Variants in EYS observed in about 807,000 individuals in gnomAD.
EYS encodes the protein EGF-like photoreceptor maintenance factor.
EYS carries 250 observed loss-of-function variants against 282.1 expected under a neutral mutation model. The observed-to-expected ratio is 0.89, with a 90% confidence interval of 0.80 to 0.98. The LOEUF (loss-of-function observed/expected upper bound fraction) is 0.98, where lower values mean the gene tolerates loss of function less well. Ranked by LOEUF, EYS falls within the 50% of genes least tolerant of loss-of-function variation. The probability of loss-of-function intolerance (pLI) is 0.00; values close to 1 mark genes in which losing one functional copy is unlikely to be tolerated. For missense variants in EYS, 4,016 were observed against 3,709.0 expected (o/e 1.08, Z -2.15); for synonymous variants, 1,355 against 1,282.9 (o/e 1.06, Z -1.20).
chr6:63,981,874 T>G (rs938845100), intron 35 of EYS, among the ~76,000 whole-genome samples: 2 of 151,896 alleles, frequency 1.3e-5, no homozygotes, highest in African/African-American at 4.8e-5. Context: ...CATCTTTGAT[T>G]TACAATTACC....
At chr6:64,163,597 G>A (rs528437877) in intron 31 of EYS, among the ~76,000 whole-genome samples, 97 of 152,076 alleles carry the variant, frequency 6.4e-4, no homozygotes, top group Non-Finnish European at 8.7e-4. Flanking sequence ...AAAAATAACC[G>A]TTTAGCTATT....
intron 5 of EYS, among the ~76,000 whole-genome samples, chr6:65,481,916 T>A (rs918065882): frequency 6.6e-5 from 10 of 152,074 alleles, no homozygotes; most frequent in Non-Finnish European, 1.0e-4. Context: ...TTGGAAATAA[T>A]GTTTTGCCAA....
At chr6:65,550,953 C>A (rs1768592441) in intron 2 of EYS, among the ~76,000 whole-genome samples, 1 of 34,964 alleles carries the variant, frequency 2.9e-5, no homozygotes, top group Non-Finnish European at 4.3e-5. Flanking sequence ...ACAGTCCCAC[C>A]AACAGTGTAA....
intron 2 of EYS, among the ~76,000 whole-genome samples, chr6:65,510,555 G>A (rs781589955): frequency 6.6e-6 from 1 of 151,902 alleles, no homozygotes; most frequent in Non-Finnish European, 1.5e-5. Context: ...GTAGAGTGCT[G>A]GGTTGAAGAT....
chr6:64,640,639 C>T (rs563150338), intron 22 of EYS, among the ~76,000 whole-genome samples: 126 of 151,864 alleles, frequency 8.3e-4, no homozygotes, highest in African/African-American at 2.9e-3. Context: ...TTAATGGGTG[C>T]AGCACACAAG....
intron 15 of EYS, among the ~76,000 whole-genome samples, chr6:64,932,463 T>C (rs1363117535): frequency 3.9e-5 from 6 of 152,064 alleles, no homozygotes; most frequent in African/African-American, 1.4e-4. Context: ...ATAATTCCAG[T>C]TGAGGGCAAC....
At chr6:65,452,105 T>G (rs985565389) in intron 5 of EYS, among the ~76,000 whole-genome samples, 2 of 151,780 alleles carry the variant, frequency 1.3e-5, no homozygotes, top group Admixed American at 6.6e-5. Context: ...TGTCATACAC[T>G]TGTAATAGTA....
intron 12 of EYS, among the ~76,000 whole-genome samples, chr6:65,274,824 A>G (rs1002089483): frequency 3.3e-5 from 5 of 152,026 alleles, no homozygotes; most frequent in Non-Finnish European, 7.4e-5. Flanking sequence ...TAACATTTCT[A>G]GGGGTCCATA....
chr6:64,798,001 T>C (rs1257303764), intron 22 of EYS, among the ~76,000 whole-genome samples: 2 of 151,868 alleles, frequency 1.3e-5, no homozygotes, highest in African/African-American at 2.4e-5. Flanking sequence ...CCTAGATATA[T>C]ATACATATAT....
intron 1 of EYS, among the ~76,000 whole-genome samples, chr6:65,698,081 T>C (rs1438132558): frequency 6.6e-6 from 1 of 152,100 alleles, no homozygotes; most frequent in African/African-American, 2.4e-5. Flanking sequence ...ATGGTTTAGG[T>C]CAGACGCTGG....
At chr6:63,950,958 C>T (rs995094233) in intron 35 of EYS, among the ~76,000 whole-genome samples, 5 of 152,104 alleles carry the variant, frequency 3.3e-5, no homozygotes, top group African/African-American at 7.2e-5. Context: ...TTAATCACTG[C>T]GGGGATGCCT....
At chr6:64,344,336 G>A (rs1039940102) in intron 29 of EYS, among the ~76,000 whole-genome samples, 84 of 151,868 alleles carry the variant, frequency 5.5e-4, no homozygotes, top group Admixed American at 3.3e-3. Context: ...GAATCCAGCA[G>A]CACATCAAAA....
intron 30 of EYS, among the ~76,000 whole-genome samples, chr6:64,262,656 G>A (rs1767627922): frequency 6.6e-6 from 1 of 151,938 alleles, no homozygotes; most frequent in South Asian, 2.1e-4. Context: ...GCTGTTTAAT[G>A]TTGGAGAGAA....
chr6:65,265,011 G>A (rs1767714922), intron 12 of EYS, among the ~76,000 whole-genome samples: 1 of 151,934 alleles, frequency 6.6e-6, no homozygotes, highest in South Asian at 2.1e-4. Context: ...GAAAAGTTCA[G>A]AAAGATTTTA....
intron 31 of EYS, 90 bp downstream of exon 31, chr6:64,230,502 A>C: frequency 1.2e-6 from 1 of 813,190 alleles, no homozygotes. Flanking sequence ...GCTAGTACCC[A>C]TCACTAAGTT....
chr6:64,899,677 T>C (rs879242592), intron 18 of EYS, among the ~76,000 whole-genome samples: 5 of 152,016 alleles, frequency 3.3e-5, no homozygotes, highest in Non-Finnish European at 7.4e-5. Flanking sequence ...TTACAAGTGA[T>C]TGATGAACCT....
intron 35 of EYS, among the ~76,000 whole-genome samples, chr6:63,945,247 G>A (rs898149361): frequency 1.3e-5 from 2 of 152,016 alleles, no homozygotes; most frequent in South Asian, 2.1e-4. Context: ...TCCACATGGC[G>A]GCAGGAAGGA....
chr6:65,513,853 T>G (rs1021363677), intron 2 of EYS, among the ~76,000 whole-genome samples: 5 of 152,170 alleles, frequency 3.3e-5, no homozygotes, highest in Admixed American at 6.5e-5. Context: ...GGGCAGAACC[T>G]GGAAGCATTC....
At chr6:63,804,308 G>A (rs959233149) in intron 37 of EYS, among the ~76,000 whole-genome samples, 9 of 152,156 alleles carry the variant, frequency 5.9e-5, no homozygotes, top group Non-Finnish European at 7.3e-5. Context: ...GAGTCACCGC[G>A]CCTGGCCGAG....
Sources: allele counts gnomAD v4.1 joint callset (sites outside exome capture counted in the v4.1 genomes callset), GRCh38; gene constraint gnomAD v4.1.1; transcripts MANE v1.5; gene names NCBI Gene and HGNC (gene_info 2026-07-23, HGNC 2026-07-21).